ATXN1: variants seen among roughly 807,000 people sequenced by gnomAD.
The protein encoded by ATXN1 is ataxin-1.
A neutral mutation model predicts 56.4 loss-of-function variants in ATXN1; 8 were observed. The ratio of observed to expected loss-of-function variants is 0.14; its 90% confidence interval spans 0.08 to 0.26. The LOEUF (loss-of-function observed/expected upper bound fraction) is 0.26. Ranked by LOEUF, ATXN1 falls within the 10% of genes least tolerant of loss-of-function variation. The pLI is 1.00. For missense variants in ATXN1, 987 were observed against 1,106.5 expected, an observed-to-expected ratio of 0.89 and a Z score of 1.53; for synonymous variants, 514 against 494.6, an observed-to-expected ratio of 1.04 and a Z score of -0.52.
chr6:16,480,676 C>T (rs1215971552), intron 6 of ATXN1, among the ~76,000 whole-genome samples: 2 of 152,152 alleles, frequency 1.3e-5, no homozygotes, highest in East Asian at 3.8e-4. Flanking sequence ...AAGCATTTTA[C>T]CTTGGCACTA....
chr6:16,731,135 T>C (rs1324360402), intron 2 of ATXN1, among the ~76,000 whole-genome samples: 4 of 152,136 alleles, frequency 2.6e-5, no homozygotes, highest in Non-Finnish European at 4.4e-5. Flanking sequence ...GGAGGTTTAG[T>C]AGCCTAAAAT....
chr6:16,406,711 T>A (rs1758692975), intron 6 of ATXN1, among the ~76,000 whole-genome samples: 1 of 152,250 alleles, frequency 6.6e-6, no homozygotes, highest in Non-Finnish European at 1.5e-5. Context: ...AGCCTGTTCC[T>A]CTTCCTTATT....
chr6:16,531,871 T>C (rs558061387), intron 4 of ATXN1, among the ~76,000 whole-genome samples: 1 of 152,332 alleles, frequency 6.6e-6, no homozygotes, highest in African/African-American at 2.4e-5. Flanking sequence ...GTTTTCAAAG[T>C]GAATAGCTTG....
At chr6:16,447,470 T>C (rs1222242548) in intron 6 of ATXN1, among the ~76,000 whole-genome samples, 1 of 152,170 alleles carries the variant, frequency 6.6e-6, no homozygotes, top group Non-Finnish European at 1.5e-5. Flanking sequence ...GTGATCCACC[T>C]GCCTCAGCCT....
At chr6:16,594,788 T>C (rs1762786055) in intron 3 of ATXN1, among the ~76,000 whole-genome samples, 1 of 152,128 alleles carries the variant, frequency 6.6e-6, no homozygotes, top group African/African-American at 2.4e-5. Context: ...GCCTACAGGC[T>C]CAAATTCTAA....
chr6:16,394,125 T>G (rs1758408674), intron 6 of ATXN1, among the ~76,000 whole-genome samples: 1 of 152,196 alleles, frequency 6.6e-6, no homozygotes, highest in Non-Finnish European at 1.5e-5. Flanking sequence ...CTTTAACATT[T>G]TTCCTTCTGT....
chr6:16,479,036 G>T (rs1166003771), intron 6 of ATXN1, among the ~76,000 whole-genome samples: 3 of 152,156 alleles, frequency 2.0e-5, no homozygotes, highest in Admixed American at 6.6e-5. Context: ...GAAAGAAGTA[G>T]AATTTAAAAG....
rs999233691 is a variant in ATXN1, at chr6:16,620,419, T to A, written c.-488-34512A>T. Among the ~76,000 whole-genome samples the A allele has an allele frequency of 5.3e-5, 8 of 152,206 alleles. No individual in the cohort carries two copies. The South Asian group carries it at 1.0e-3, about 20-fold the overall frequency. Reference sequence around the variant, plus strand: ...TGCTGTGCTGGACTTCTTGAACATATATATCTTTTTTCAACATCTCTGGTT... The same window carrying A: ...TGCTGTGCTGGACTTCTTGAACATAAATATCTTTTTTCAACATCTCTGGTT... On this transcript the variant is annotated intron_variant, in intron 3 of 7. Transcript: ENST00000436367.
At chr6:16,649,353 C>A (rs1244220002) in intron 3 of ATXN1, among the ~76,000 whole-genome samples, 3 of 151,954 alleles carry the variant, frequency 2.0e-5, no homozygotes, top group Non-Finnish European at 1.5e-5. Context: ...GTTACATCAA[C>A]CCTTTAATGT....
chr6:16,403,494 A>G (rs1758623604), intron 6 of ATXN1, among the ~76,000 whole-genome samples: 1 of 152,144 alleles, frequency 6.6e-6, no homozygotes, highest in Non-Finnish European at 1.5e-5. Context: ...GGGACTACAG[A>G]TGCATGCCAA....
chr6:16,455,281 A>G (rs1367746339), intron 6 of ATXN1, among the ~76,000 whole-genome samples: 1 of 152,242 alleles, frequency 6.6e-6, no homozygotes, highest in Non-Finnish European at 1.5e-5. Context: ...CAGACACCTT[A>G]CCAAATTAGA....
intron 6 of ATXN1, among the ~76,000 whole-genome samples, chr6:16,468,982 T>C (rs1452389389): frequency 6.6e-6 from 1 of 152,036 alleles, no homozygotes; most frequent in East Asian, 1.9e-4. Flanking sequence ...CACCTAAAAA[T>C]ACAGGAAGTT....
At chr6:16,451,991 C>G (rs539285606) in intron 6 of ATXN1, among the ~76,000 whole-genome samples, 1 of 152,274 alleles carries the variant, frequency 6.6e-6, no homozygotes, top group South Asian at 2.1e-4. Flanking sequence ...GTCTTGTGCC[C>G]TCACTAGGGA....
intron 4 of ATXN1, among the ~76,000 whole-genome samples, chr6:16,582,371 C>A (rs1762545571): frequency 6.6e-6 from 1 of 152,190 alleles, no homozygotes; most frequent in South Asian, 2.1e-4. Flanking sequence ...CAGCCCTATA[C>A]TGGGACATAG....
At chr6:16,457,271 A>T (rs1759895144) in intron 6 of ATXN1, among the ~76,000 whole-genome samples, 1 of 152,052 alleles carries the variant, frequency 6.6e-6, no homozygotes, top group Non-Finnish European at 1.5e-5. Flanking sequence ...GACCTTCCTC[A>T]GTCCTTTTTG....
In ATXN1 at chr6:16,389,206, A is replaced by G. The variant is rs570066905; in HGVS notation, c.-160-60736T>C. 6.6e-5 allele frequency among the ~76,000 whole-genome samples: 10 copies of G among 152,202 alleles called. No homozygotes were observed. The East Asian group carries it at 1.7e-3, about 26-fold the overall frequency. On this transcript the variant is annotated intron_variant, in intron 6 of 7. Transcript: ENST00000436367. ...ACAAAAATTAGCCGGGCGTGGTGGC[A>G]CGCGCCTGTCATCTCAGCTACTCGG...
intron 6 of ATXN1, among the ~76,000 whole-genome samples, chr6:16,370,053 A>G (rs1158664877): frequency 1.3e-5 from 2 of 152,124 alleles, no homozygotes; most frequent in Non-Finnish European, 2.9e-5. Flanking sequence ...GGTGGTAATA[A>G]TGTGGTGACT....
chr6:16,687,194 T>C (rs1758936295), intron 2 of ATXN1, among the ~76,000 whole-genome samples: 1 of 152,228 alleles, frequency 6.6e-6, no homozygotes, highest in East Asian at 1.9e-4. Flanking sequence ...CTATTTAATG[T>C]ATCTGAAAAA....
chr6:16,677,319 CA>C (rs1305732419), intron 2 of ATXN1, among the ~76,000 whole-genome samples: 1 of 152,140 alleles, frequency 6.6e-6, no homozygotes, highest in Admixed American at 6.5e-5. Flanking sequence ...TCCCCAGAAT[CA>C]GTGCTATTTG....
Sources: allele counts gnomAD v4.1 joint callset (sites outside exome capture counted in the v4.1 genomes callset), GRCh38; gene constraint gnomAD v4.1.1; transcripts MANE v1.5; gene names NCBI Gene and HGNC (gene_info 2026-07-23, HGNC 2026-07-21).